TMEM135: variants seen among roughly 807,000 people sequenced by gnomAD.
TMEM135 encodes the protein transmembrane protein 135, also known as peroxisomal membrane protein 52.
Under a neutral mutation model 60.3 loss-of-function variants are expected in TMEM135, and 30 were observed. The ratio of observed to expected loss-of-function variants is 0.50; its 90% CI spans 0.37 to 0.68. The LOEUF (loss-of-function observed/expected upper bound fraction) is 0.68. TMEM135 is among the 30% of genes least tolerant of loss of function. The pLI is 0.00. For synonymous variants in TMEM135, 190 were observed against 186.7 expected, an observed-to-expected ratio of 1.02 and a Z score of -0.14; for missense variants, 468 against 548.8, an observed-to-expected ratio of 0.85 and a Z score of 1.47.
At chr11:87,197,352 C>T (rs541788373) in intron 5 of TMEM135, among the ~76,000 whole-genome samples, 2 of 152,098 alleles carry the variant, frequency 1.3e-5, no homozygotes, top group East Asian at 3.9e-4. Flanking sequence ...GACTCTCATA[C>T]AGAGTTATGA....
At chr11:87,047,405 C>T (rs1055433789) in intron 1 of TMEM135, among the ~76,000 whole-genome samples, 6 of 151,526 alleles carry the variant, frequency 4.0e-5, no homozygotes, top group East Asian at 2.0e-4. Flanking sequence ...TCTGAGGTAC[C>T]GGGTTCATCT....
chr11:87,084,708 A>C (rs931649855), intron 3 of TMEM135, among the ~76,000 whole-genome samples: 1 of 152,234 alleles, frequency 6.6e-6, no homozygotes, highest in African/African-American at 2.4e-5. Context: ...AGATAAATAA[A>C]AGAAGGGAAC....
chr11:87,105,385 A>G (rs1220813808), intron 4 of TMEM135, among the ~76,000 whole-genome samples: 2 of 152,150 alleles, frequency 1.3e-5, no homozygotes, highest in African/African-American at 4.8e-5. Context: ...TCTAGGTTGC[A>G]TGCTTCTTAT....
intron 1 of TMEM135, among the ~76,000 whole-genome samples, chr11:87,064,008 G>A (rs1856594738): frequency 6.6e-6 from 1 of 152,306 alleles, no homozygotes; most frequent in East Asian, 1.9e-4. Context: ...TTATGTCTGG[G>A]TTATGGGGTA....
At chr11:87,158,136 G>A (rs755384669) in intron 5 of TMEM135, among the ~76,000 whole-genome samples, 50 of 152,120 alleles carry the variant, frequency 3.3e-4, no homozygotes, top group Admixed American at 7.2e-4. Context: ...ATGTTGCTTA[G>A]GCTGGTCTTG....
At chr11:87,244,401 T>G (rs200838337) in intron 6 of TMEM135, among the ~76,000 whole-genome samples, 3,022 of 46,152 alleles carry the variant, frequency 0.065, 201 homozygotes, top group Middle Eastern at 0.12. Flanking sequence ...TTTTTCTATT[T>G]ATTGGAATAG....
intron 6 of TMEM135, among the ~76,000 whole-genome samples, chr11:87,246,525 A>G (rs1451200556): frequency 1.3e-5 from 2 of 152,098 alleles, no homozygotes; most frequent in Non-Finnish European, 2.9e-5. Context: ...ACATAGTCCC[A>G]TATTTCTTGG....
chr11:87,304,540 T>G (rs1238559119), intron 8 of TMEM135, among the ~76,000 whole-genome samples: 1 of 151,618 alleles, frequency 6.6e-6, no homozygotes, highest in East Asian at 1.9e-4. Flanking sequence ...CTTTAATCAC[T>G]CAACAGCTTC....
At chr11:87,236,731 C>T (rs549712188) in intron 6 of TMEM135, 47 bp downstream of exon 6, 7 of 1,544,880 alleles carry the variant, frequency 4.5e-6, no homozygotes, top group Non-Finnish European at 5.4e-6. Context: ...AACAGTATCT[C>T]TTTGTAATTT....
intron 4 of TMEM135, among the ~76,000 whole-genome samples, chr11:87,131,572 C>T (rs78509102): frequency 2.6e-5 from 4 of 152,028 alleles, no homozygotes; most frequent in Non-Finnish European, 4.4e-5. Context: ...ATAATTTAAT[C>T]TTCATGAGAG....
chr11:87,177,517 G>A (rs1053697661), intron 5 of TMEM135, among the ~76,000 whole-genome samples: 70 of 152,126 alleles, frequency 4.6e-4, no homozygotes, highest in African/African-American at 1.6e-3. Flanking sequence ...TATACTCACT[G>A]AAAGTGTGTA....
rs1565175653 is a variant in TMEM135, at chr11:87,327,074, A to G, written c.*5741A>G. ...GTTACATGCCTAGCCCCAGGGATGA[A>G]TCATAATTGTTCTAGGCCTTTCATG... On this transcript the variant is annotated 3_prime_UTR_variant, in exon 15 of 15. Transcript: ENST00000305494. 2.2e-6 allele frequency: 1 copy of G among 454,054 alleles called. No homozygotes were observed. Among genetic ancestry groups the G allele is most frequent in the East Asian group, 7.0e-5 (1 of 14,382 alleles). The allele number at this position is 454,054 out of a possible 1,614,324, so 28.1% of individuals were successfully genotyped here.
At chr11:87,234,753 A>G (rs61905643) in intron 5 of TMEM135, among the ~76,000 whole-genome samples, 7 of 152,098 alleles carry the variant, frequency 4.6e-5, no homozygotes, top group Admixed American at 3.3e-4. Flanking sequence ...ACCCAGATCT[A>G]TCTTACTCTA....
chr11:87,094,887 G>A (rs1857288935), intron 4 of TMEM135: 1 of 157,032 alleles, frequency 6.4e-6, no homozygotes, highest in South Asian at 1.9e-4. Context: ...TATAGTTAGT[G>A]ATGACATTTT....
chr11:87,199,378 A>C (rs1006788147), intron 5 of TMEM135, among the ~76,000 whole-genome samples: 2 of 152,214 alleles, frequency 1.3e-5, no homozygotes, highest in African/African-American at 4.8e-5. Flanking sequence ...GTGCAGCTGC[A>C]AGATTAATTG....
intron 1 of TMEM135, among the ~76,000 whole-genome samples, chr11:87,063,173 A>G (rs997198901): frequency 6.6e-6 from 1 of 152,198 alleles, no homozygotes; most frequent in African/African-American, 2.4e-5. Context: ...CTGTATGTTC[A>G]TTACAAATTA....
chr11:87,215,608 G>A (rs1466144863), intron 5 of TMEM135, among the ~76,000 whole-genome samples: 2 of 152,166 alleles, frequency 1.3e-5, no homozygotes, highest in African/African-American at 4.8e-5. Flanking sequence ...AAGTTACACA[G>A]AGCTACTTTT....
intron 2 of TMEM135, 126 bp downstream of exon 2, chr11:87,067,947 G>T: frequency 8.5e-7 from 1 of 1,180,826 alleles, no homozygotes; most frequent in Admixed American, 2.0e-5. Context: ...TCTGTGAAGT[G>T]ACATTTATGT....
intron 5 of TMEM135, among the ~76,000 whole-genome samples, chr11:87,232,660 G>A (rs1389271680): frequency 6.6e-6 from 1 of 152,124 alleles, no homozygotes; most frequent in East Asian, 1.9e-4. Context: ...AGATGTATCT[G>A]TACATACATG....
Sources: allele counts gnomAD v4.1 joint callset (sites outside exome capture counted in the v4.1 genomes callset), GRCh38; gene constraint gnomAD v4.1.1; transcripts MANE v1.5; gene names NCBI Gene and HGNC (gene_info 2026-07-23, HGNC 2026-07-21).